RNF149: variants seen among roughly 807,000 people sequenced by gnomAD.
The protein encoded by RNF149 is ring finger protein 149, also known as E3 ubiquitin-protein ligase RNF149.
A neutral mutation model predicts 39.0 loss-of-function variants in RNF149; 21 were observed. That is an observed-to-expected ratio of 0.54 (90% CI 0.38 to 0.77). The LOEUF (loss-of-function observed/expected upper bound fraction) is 0.77, where lower values mean the gene tolerates loss of function less well. Among genes scored for constraint, RNF149 ranks in the 30% least tolerant of loss-of-function variants. RNF149 has a pLI of 0.00. For missense variants in RNF149, 493 were observed against 534.9 expected, an observed-to-expected ratio of 0.92 and a Z score of 0.77; for synonymous variants, 209 against 213.6, an observed-to-expected ratio of 0.98 and a Z score of 0.19.
intron 6 of RNF149, among the ~76,000 whole-genome samples, chr2:101,279,214 C>T (rs1297024705): frequency 6.6e-6 from 1 of 152,226 alleles, no homozygotes. Context: ...GGGAAACTGG[C>T]TGCTTCAGAA....
At chr2:101,301,322 C>A (rs554792132) in intron 1 of RNF149, among the ~76,000 whole-genome samples, 10 of 150,894 alleles carry the variant, frequency 6.6e-5, no homozygotes, top group African/African-American at 2.5e-4. Flanking sequence ...TACTAAATAA[C>A]AAATATAGAT....
chr2:101,305,589 T>C (rs953866319), intron 1 of RNF149, among the ~76,000 whole-genome samples: 2 of 152,156 alleles, frequency 1.3e-5, no homozygotes, highest in African/African-American at 2.4e-5. Flanking sequence ...GGAGACATCT[T>C]TGATTGTCAG....
At chr2:101,272,901 G>C (rs1405257201), downstream of RNF149, 3 of 1,316,604 alleles carry the variant, frequency 2.3e-6, no homozygotes, top group South Asian at 3.4e-5. Flanking sequence ...TGCCTTTCTT[G>C]ACAGCTCCCA....
chr2:101,280,086 A>G (rs779513397), intron 6 of RNF149, among the ~76,000 whole-genome samples: 10 of 152,142 alleles, frequency 6.6e-5, no homozygotes, highest in Non-Finnish European at 1.3e-4. Context: ...TGAGGTGGGC[A>G]AATCACTTGA....
chr2:101,299,052 G>A (rs1683349752), intron 1 of RNF149, among the ~76,000 whole-genome samples: 1 of 152,148 alleles, frequency 6.6e-6, no homozygotes, highest in East Asian at 1.9e-4. Flanking sequence ...AGCTACTCTG[G>A]AGGCTGAGGC....
Position 101,308,389 on chromosome 2 carries a change from C to G in RNF149, c.200G>C (p.Ser67Thr), listed in dbSNP as rs746972485. The G allele has an allele frequency of 5.0e-6, 8 of 1,609,872 alleles. No individual in the cohort carries two copies. The highest frequency in any genetic ancestry group is 1.3e-5 in the African/African-American group (1 of 74,318). Residue 67 changes from serine to threonine, a missense_variant, in exon 1 of 7, where the codon AGC becomes ACC. Physicochemically the swap from Ser to Thr is moderately conservative, Grantham distance 58. Transcript: ENST00000295317. ...SVSESGRFGD[S>T]SPKEGAHGLV... ...GCCATGCGCGCCCTCCTTGGGCGAG[C>G]TGTCGCCGAAGCGGCCACTCTCCGA...
intron 1 of RNF149, among the ~76,000 whole-genome samples, chr2:101,297,919 G>A (rs898554639): frequency 6.6e-6 from 1 of 152,170 alleles, no homozygotes; most frequent in African/African-American, 2.4e-5. Flanking sequence ...TTTCCTGTAA[G>A]ATTGGCAAAG....
chr2:101,306,314 T>C lies in RNF149; in HGVS notation c.460+1815A>G, dbSNP rs186869411. ...AGAATCAATGGCACACTAACCTTTTTTCTTTGACAGAACTACTAAAGCAGG... is the reference window on the plus strand; with the variant it reads ...AGAATCAATGGCACACTAACCTTTTCTCTTTGACAGAACTACTAAAGCAGG... On this transcript the variant is annotated intron_variant, in intron 1 of 6. Coordinates refer to ENST00000295317, the MANE Select transcript of RNF149 (RefSeq NM_173647.4). 2.0e-5 allele frequency among the ~76,000 whole-genome samples: 3 copies of C among 152,340 alleles called. No homozygotes were observed. The East Asian group carries it at 5.8e-4, about 29-fold the overall frequency.
chr2:101,289,165 C>T, intron 3 of RNF149, 110 bp from the exon 4 acceptor site: 1 of 634,616 alleles, frequency 1.6e-6, no homozygotes, highest in Non-Finnish European at 2.8e-6. Flanking sequence ...TACAGTGGTA[C>T]AACCGGTGAA....
At chr2:101,301,190 C>A (rs1683438677) in intron 1 of RNF149, among the ~76,000 whole-genome samples, 1 of 151,910 alleles carries the variant, frequency 6.6e-6, no homozygotes, top group South Asian at 2.1e-4. Context: ...CCAAAAGAAC[C>A]TATACACCTT....
Position 101,289,041 on chromosome 2 carries a change from A to G in RNF149, c.795T>C (p.Asp265=). 6.3e-7 allele frequency: 1 copy of G among 1,587,004 alleles called. No individual in the cohort carries two copies. The highest frequency in any genetic ancestry group is 8.6e-7 in the Non-Finnish European group (1 of 1,156,754). ...VKHGEKGIDV[D]AENCAVCIEN... ...CAATACACACTGCACAATTTTCAGC[A>G]TCAACATCAATTCCCTGTAAAAAGA... The change falls in exon 4 of 7, where the codon GAT becomes GAC. Residue 265 remains aspartate, a synonymous_variant. Coordinates refer to ENST00000295317, the MANE Select transcript of RNF149 (RefSeq NM_173647.4).
intron 1 of RNF149, 46 bp from the exon 2 acceptor site, chr2:101,295,227 A>G (rs747342062): frequency 6.6e-7 from 1 of 1,515,716 alleles, no homozygotes; most frequent in Admixed American, 1.8e-5. Flanking sequence ...ACAAAATAAG[A>G]TACAGAGAAC....
At chr2:101,281,695 C>A in intron 6 of RNF149, 164 bp downstream of exon 6, 1 of 725,700 alleles carries the variant, frequency 1.4e-6, no homozygotes. Flanking sequence ...GAGATGGGGT[C>A]TCACTATGCT....
rs1347631162 is a variant in RNF149 at position 101,276,441 on chromosome 2, T to G, written c.*797A>C. 1 of 985,614 alleles carries G rather than the reference T, an allele frequency of 1.0e-6. No individual in the cohort carries two copies. The highest frequency in any genetic ancestry group is 6.2e-5 in the Admixed American group (1 of 16,258). 61.1% of individuals were successfully genotyped at this position (985,614 alleles called of 1,614,324 possible). ...AATTCTACATCTTTCGCCCTTTTAA[T>G]TGTAAAGATTAAATTGTAACTGAAA... On this transcript the variant is annotated 3_prime_UTR_variant, in exon 7 of 7. Coordinates refer to ENST00000295317, the MANE Select transcript of RNF149 (RefSeq NM_173647.4).
intron 5 of RNF149, among the ~76,000 whole-genome samples, chr2:101,283,500 G>A (rs1682670084): frequency 6.6e-6 from 1 of 152,176 alleles, no homozygotes. Flanking sequence ...CAGTTATGGG[G>A]AAATAGAAAA....
At chr2:101,272,193 A>G (rs116739491), downstream of RNF149, among the ~76,000 whole-genome samples, 1,706 of 152,340 alleles carry the variant, frequency 0.011, 34 homozygotes, top group African/African-American at 0.04. Context: ...CAGTACCTGT[A>G]TAATCCCGGA....
chr2:101,294,891 T>C, intron 2 of RNF149, 40 bp downstream of exon 2: 1 of 1,515,800 alleles, frequency 6.6e-7, no homozygotes, highest in East Asian at 2.3e-5. Context: ...ATTTATGAAT[T>C]ATCTTTTAAA....
intron 6 of RNF149, among the ~76,000 whole-genome samples, chr2:101,278,733 T>A (rs1288606767): frequency 6.6e-6 from 1 of 152,240 alleles, no homozygotes; most frequent in Non-Finnish European, 1.5e-5. Flanking sequence ...TGTTATGAAC[T>A]GTAGTCACCA....
chr2:101,307,794 G>A, intron 1 of RNF149: 2 of 984,978 alleles, frequency 2.0e-6, no homozygotes, highest in Non-Finnish European at 2.4e-6. Flanking sequence ...TTGGGAAGCG[G>A]TGAATGGAAA....
Sources: gnomAD v4.1 joint callset for allele counts (sites outside exome capture counted in the v4.1 genomes callset) on GRCh38, gnomAD v4.1.1 for gene constraint, MANE v1.5 for transcripts, NCBI Gene and HGNC (gene_info 2026-07-23, HGNC 2026-07-21) for gene names.